Variants in PDXK observed in about 807,000 individuals in gnomAD.
PDXK encodes the protein epididymis secretory sperm binding protein Li 1a.
In PDXK, 15 loss-of-function variants were observed where a neutral mutation model predicts 43.2. The observed-to-expected ratio is 0.35, with a 90% CI of 0.23 to 0.53. The LOEUF (loss-of-function observed/expected upper bound fraction) is 0.53, where lower values mean the gene tolerates loss of function less well. PDXK is among the 20% of genes least tolerant of loss of function. The probability of loss-of-function intolerance (pLI) is 0.92; values close to 1 mark genes in which losing one functional copy is unlikely to be tolerated. For missense variants in PDXK, 343 were observed against 417.0 expected, an observed-to-expected ratio of 0.82 and a Z score of 1.54; for synonymous variants, 172 against 165.4, an observed-to-expected ratio of 1.04 and a Z score of -0.31.
rs2083815995 is a variant in PDXK at position 43,754,690 on chromosome 21, T to A, written c.759+971T>A. Among the ~76,000 whole-genome samples, 1 of 151,976 alleles carries A rather than the reference T, an allele frequency of 6.6e-6. No homozygotes were observed. The highest frequency in any genetic ancestry group is 2.1e-4 in the South Asian group (1 of 4,822). ...AATGTGGGGCAGGGCAGGGGTGCCATGGGAGTGACAGGAGGAAGACAGGAC... is the reference window on the plus strand; with the variant it reads ...AATGTGGGGCAGGGCAGGGGTGCCAAGGGAGTGACAGGAGGAAGACAGGAC... On this transcript the variant is annotated intron_variant, in intron 9 of 10. Transcript: ENST00000291565. The surrounding 1 kb of genome is among the most constrained non-coding windows in gnomAD (Gnocchi z 5.5).
Position 43,756,356 on chromosome 21 carries a change from A to G in PDXK, c.*293A>G. ...CCATCTCGGGGGTGTTCCCTGTGGG[A>G]GGGTGAGTGGGTGAGGCCGAGCCTG... On this transcript the variant is annotated 3_prime_UTR_variant, in exon 11 of 11. Coordinates refer to ENST00000291565, the MANE Select transcript of PDXK (RefSeq NM_003681.5). 3.0e-6 allele frequency: 1 copy of G among 331,876 alleles called. No homozygotes were observed. 20.6% of individuals were successfully genotyped at this position (331,876 alleles called of 1,614,324 possible).
intron 1 of PDXK, among the ~76,000 whole-genome samples, chr21:43,726,503 C>G (rs1310391776): frequency 6.6e-6 from 1 of 152,140 alleles, no homozygotes; most frequent in African/African-American, 2.4e-5. Context: ...GTCTCGATAT[C>G]CTGACCTCGG....
intron 2 of PDXK, among the ~76,000 whole-genome samples, chr21:43,740,786 T>C (rs1299511083): frequency 6.6e-6 from 1 of 151,794 alleles, no homozygotes; most frequent in African/African-American, 2.4e-5. Context: ...CATCTATCTC[T>C]TGCTCAGGAG....
chr21:43,760,773 T>G lies in PDXK; in HGVS notation c.*4710T>G, dbSNP rs1157541363. 1 of 152,226 alleles carries G rather than the reference T, an allele frequency of 6.6e-6. No homozygotes were observed. The highest frequency in any genetic ancestry group is 1.5e-5 in the Non-Finnish European group (1 of 68,070). The allele number at this position is 152,226 out of a possible 1,614,324, so 9.4% of individuals were successfully genotyped here. A position where few individuals can be genotyped will look rare whatever the true frequency, so the allele number is the denominator to read the frequency against. ...GCAGGACCCAGCAGGCATCGTGGCG[T>G]GACAGCTGTGTCCAAGCCACTGCCC... On this transcript the variant is annotated 3_prime_UTR_variant, in exon 11 of 11. Coordinates refer to ENST00000291565, the MANE Select transcript of PDXK (RefSeq NM_003681.5).
intron 1 of PDXK, among the ~76,000 whole-genome samples, chr21:43,725,772 T>C (rs2083247328): frequency 6.6e-6 from 1 of 151,522 alleles, no homozygotes; most frequent in Non-Finnish European, 1.5e-5. Context: ...ATTGCACCAC[T>C]GCACTCCAGC....
intron 2 of PDXK, 148 bp from the exon 3 acceptor site, chr21:43,741,519 C>T (rs767915357): frequency 3.4e-6 from 5 of 1,468,478 alleles, no homozygotes; most frequent in Non-Finnish European, 4.5e-6. Context: ...AAGCACTGCG[C>T]CTAGTGATCT....
At position 43,719,293 on chromosome 21, in the gene PDXK, G is replaced by A. The variant is rs968917264; in HGVS notation, c.-2G>A. ...CCCCGCGCCGCCGCGGCCAGGCCCGGCATGGAGGAGGAGTGCCGGGTGCTC... is the reference window on the plus strand; with the variant it reads ...CCCCGCGCCGCCGCGGCCAGGCCCGACATGGAGGAGGAGTGCCGGGTGCTC... On this transcript the variant is annotated 5_prime_UTR_variant, in exon 1 of 11. Coordinates refer to ENST00000291565, the MANE Select transcript of PDXK (RefSeq NM_003681.5). 2.7e-6 allele frequency: 4 copies of A among 1,462,876 alleles called. No individual in the cohort carries two copies. Among genetic ancestry groups the A allele is most frequent in the Non-Finnish European group, 3.6e-6 (4 of 1,104,020 alleles). 90.6% of individuals were successfully genotyped at this position (1,462,876 alleles called of 1,614,324 possible). A position where few individuals can be genotyped will look rare whatever the true frequency, so the allele number is the denominator to read the frequency against.
At chr21:43,721,195 T>C (rs1328744358) in intron 1 of PDXK, among the ~76,000 whole-genome samples, 2 of 152,194 alleles carry the variant, frequency 1.3e-5, no homozygotes, top group African/African-American at 4.8e-5. Flanking sequence ...TGGACCAGCC[T>C]TAGTGGGCAC....
intron 2 of PDXK, chr21:43,741,089 G>T (rs1194189535): frequency 7.4e-6 from 1 of 135,004 alleles, no homozygotes; most frequent in African/African-American, 2.9e-5. Flanking sequence ...AGCTCCCGCA[G>T]GAACTGGCAG....
Position 43,719,146 on chromosome 21 carries a change from G to T in PDXK, c.-149G>T. 1 of 333,670 alleles carries T rather than the reference G, an allele frequency of 3.0e-6. No individual in the cohort carries two copies. Among genetic ancestry groups the T allele is most frequent in the Non-Finnish European group, 5.2e-6 (1 of 191,288 alleles). The allele number at this position is 333,670 out of a possible 1,614,324, so 20.7% of individuals were successfully genotyped here. A position where few individuals can be genotyped will look rare whatever the true frequency, so the allele number is the denominator to read the frequency against. ...CCGCTGAGGTCAGAAGGAGGCGTCT[G>T]CGCTGATCGGGTCCGCCGCGCGCCA... On this transcript the variant is annotated 5_prime_UTR_variant, in exon 1 of 11. Coordinates refer to ENST00000291565, the MANE Select transcript of PDXK (RefSeq NM_003681.5).
At chr21:43,726,788 G>C (rs1173559101) in intron 1 of PDXK, among the ~76,000 whole-genome samples, 1 of 152,136 alleles carries the variant, frequency 6.6e-6, no homozygotes, top group Admixed American at 6.5e-5. Flanking sequence ...GTGTGTATGT[G>C]GGTGTGCATG....
At chr21:43,740,046 G>C (rs1224829299) in intron 2 of PDXK, among the ~76,000 whole-genome samples, 1 of 151,426 alleles carries the variant, frequency 6.6e-6, no homozygotes, top group Admixed American at 6.6e-5. Flanking sequence ...GAGTCCATCA[G>C]GGGCTTGGTC....
Position 43,741,552 on chromosome 21 carries a change from T to C in PDXK, c.143-115T>C, listed in dbSNP as rs140485915. The C allele has an allele frequency of 6.3e-4, 954 of 1,526,154 alleles. 5 individuals carry two copies. In the African/African-American group the frequency reaches 0.012, roughly 19 times the overall value. 94.5% of individuals were successfully genotyped at this position (1,526,154 alleles called of 1,614,324 possible). A position where few individuals can be genotyped will look rare whatever the true frequency, so the allele number is the denominator to read the frequency against. On this transcript the variant is annotated intron_variant, in intron 2 of 10. Transcript: ENST00000291565. ...TCTCCTTCGGGTTTGAGCCAGTCCA[T>C]GGGGAGGAGCCGTCCACCAGGCAGC... is the stretch of plus-strand genomic sequence containing the variant.
Position 43,757,939 on chromosome 21 carries a change from C to T in PDXK, c.*1876C>T, listed in dbSNP as rs2083878385. On this transcript the variant is annotated 3_prime_UTR_variant, in exon 11 of 11. Coordinates refer to ENST00000291565, the MANE Select transcript of PDXK (RefSeq NM_003681.5). ...AAATACCCTCACTGCCAAGTGGAGA[C>T]TGGGGCGTGTGCCACATTGCCAGCC... 1.3e-5 allele frequency: 2 copies of T among 152,122 alleles called. No individual in the cohort carries two copies. The highest frequency in any genetic ancestry group is 1.9e-4 in the East Asian group (1 of 5,188). 9.4% of individuals were successfully genotyped at this position (152,122 alleles called of 1,614,324 possible). A position where few individuals can be genotyped will look rare whatever the true frequency, so the allele number is the denominator to read the frequency against.
At chr21:43,742,669 G>A (rs763394919) in intron 3 of PDXK, among the ~76,000 whole-genome samples, 8 of 152,074 alleles carry the variant, frequency 5.3e-5, no homozygotes, top group Non-Finnish European at 1.2e-4. Flanking sequence ...TTGAGACCAG[G>A]AGTTCAAAAC....
chr21:43,740,494 C>T (rs572180724), intron 2 of PDXK, among the ~76,000 whole-genome samples: 69 of 152,114 alleles, frequency 4.5e-4, no homozygotes, highest in African/African-American at 1.5e-3. Context: ...GGGAGCCCCT[C>T]GATGTGAGGC....
At chr21:43,746,773 TC>T in intron 5 of PDXK, among the ~76,000 whole-genome samples, 1 of 152,220 alleles carries the variant, frequency 6.6e-6, no homozygotes, top group African/African-American at 2.4e-5. Flanking sequence ...ATTTGAATTT[TC>T]TATAATTTTC....
At chr21:43,750,814 G>A (rs527413345) in intron 7 of PDXK, among the ~76,000 whole-genome samples, 15 of 151,454 alleles carry the variant, frequency 9.9e-5, no homozygotes, top group African/African-American at 2.9e-4. Context: ...GTGTGTGCGC[G>A]CACCCATGTG....
At chr21:43,755,556 A>G in intron 9 of PDXK, 142 bp from the exon 10 acceptor site, 2 of 738,902 alleles carry the variant, frequency 2.7e-6, no homozygotes, top group Non-Finnish European at 4.8e-6. Context: ...AGGGTTCAGC[A>G]CGTGCATTGG....
Sources: allele counts gnomAD v4.1 joint callset (sites outside exome capture counted in the v4.1 genomes callset), GRCh38; gene constraint gnomAD v4.1.1; non-coding constraint Gnocchi (gnomAD v3.1); transcripts MANE v1.5; gene names NCBI Gene and HGNC (gene_info 2026-07-23, HGNC 2026-07-21).